Variants in GLCCI1 observed in about 807,000 individuals in gnomAD.
The protein encoded by GLCCI1 is glucocorticoid induced 1, also known as glucocorticoid-induced transcript 1 protein.
In GLCCI1, 24 loss-of-function variants were observed where a neutral mutation model predicts 52.2. The observed-to-expected ratio is 0.46, with a 90% CI of 0.33 to 0.65. The LOEUF is 0.65. Ranked by LOEUF, GLCCI1 falls within the 30% of genes least tolerant of loss-of-function variation. The probability of loss-of-function intolerance (pLI) is 0.02; values close to 1 mark genes in which losing one functional copy is unlikely to be tolerated. For missense variants in GLCCI1, 704 were observed against 701.5 expected, an observed-to-expected ratio of 1.00 and a Z score of -0.04; for synonymous variants, 310 against 276.5, an observed-to-expected ratio of 1.12 and a Z score of -1.20.
At chr7:7,988,320 G>A (rs944548914) in intron 1 of GLCCI1, among the ~76,000 whole-genome samples, 47 of 152,132 alleles carry the variant, frequency 3.1e-4, no homozygotes, top group African/African-American at 9.7e-4. Context: ...ACTATCAGGT[G>A]TATTGTTATT....
Position 8,086,602 on chromosome 7 carries a change from A to C in GLCCI1, c.*64A>C, listed in dbSNP as rs1009962256. On this transcript the variant is annotated 3_prime_UTR_variant, in exon 8 of 8. Coordinates refer to ENST00000223145, the MANE Select transcript of GLCCI1 (RefSeq NM_138426.4). This position sits in a 1 kb window ranked among gnomAD's most constrained non-coding sequence, Gnocchi z 4.4. ...TCGGAACAAGATTTCAGACATCTGC[A>C]TGAGTGACAAACTTTCTGAACACCA... 7.7e-7 allele frequency: 1 copy of C among 1,301,366 alleles called. No individual in the cohort carries two copies. Among genetic ancestry groups the C allele is most frequent in the Non-Finnish European group, 1.1e-6 (1 of 939,344 alleles). The allele number at this position is 1,301,366 out of a possible 1,614,324, so 80.6% of individuals were successfully genotyped here. A position where few individuals can be genotyped will look rare whatever the true frequency, so the allele number is the denominator to read the frequency against.
chr7:8,032,209 T>G (rs1382060314), intron 3 of GLCCI1, among the ~76,000 whole-genome samples: 1 of 152,050 alleles, frequency 6.6e-6, no homozygotes, highest in Non-Finnish European at 1.5e-5. Flanking sequence ...TTTAATATTT[T>G]CAATTGAGTG....
At chr7:7,986,974 G>T (rs563130176) in intron 1 of GLCCI1, among the ~76,000 whole-genome samples, 10 of 152,050 alleles carry the variant, frequency 6.6e-5, no homozygotes, top group East Asian at 1.9e-4. Context: ...ATTACTTCTT[G>T]CTTGGACTTT....
rs187303489 is a variant in GLCCI1, at chr7:7,982,217, A to T, written c.457+12410A>T. ...AAGAAAAATCCAAAGATAAAGAAAA[A>T]TCTAAGTACAGATGAAAGATGAAGA... is the stretch of plus-strand genomic sequence containing the variant. On this transcript the variant is annotated intron_variant, in intron 1 of 7. Transcript: ENST00000223145. 89 of 251,796 alleles carry T rather than the reference A, an allele frequency of 3.5e-4. No homozygotes were observed. The Middle Eastern group carries it at 4.6e-3, about 13-fold the overall frequency. 15.6% of individuals were successfully genotyped at this position (251,796 alleles called of 1,614,324 possible). A position where few individuals can be genotyped will look rare whatever the true frequency, so the allele number is the denominator to read the frequency against.
At chr7:8,012,526 G>A (rs1448091761) in intron 2 of GLCCI1, among the ~76,000 whole-genome samples, 1 of 129,700 alleles carries the variant, frequency 7.7e-6, no homozygotes. Flanking sequence ...CTCACTGCAA[G>A]CTCCACCTCC....
chr7:8,004,245 T>G (rs1781103605), intron 2 of GLCCI1, 186 bp downstream of exon 2: 1 of 550,096 alleles, frequency 1.8e-6, no homozygotes, highest in Non-Finnish European at 3.1e-6. Context: ...CTTTTAGAAG[T>G]TTTGAAATTC....
chr7:8,014,765 T>A (rs536972973), intron 2 of GLCCI1, among the ~76,000 whole-genome samples: 1 of 152,342 alleles, frequency 6.6e-6, no homozygotes, highest in South Asian at 2.1e-4. Flanking sequence ...TCTTGGTTGA[T>A]ATCAGGGAGA....
intron 3 of GLCCI1, among the ~76,000 whole-genome samples, chr7:8,023,904 C>G (rs1562432244): frequency 6.6e-6 from 1 of 151,960 alleles, no homozygotes; most frequent in East Asian, 1.9e-4. Context: ...AGGCCATGAT[C>G]ATTCTTAGTG....
intron 3 of GLCCI1, among the ~76,000 whole-genome samples, chr7:8,050,458 T>A (rs1562442306): frequency 6.6e-6 from 1 of 152,326 alleles, no homozygotes; most frequent in East Asian, 1.9e-4. Context: ...ATATAAAATT[T>A]ACTTTTAACT....
At chr7:8,044,873 T>C (rs1782087030) in intron 3 of GLCCI1, among the ~76,000 whole-genome samples, 1 of 152,002 alleles carries the variant, frequency 6.6e-6, no homozygotes, top group African/African-American at 2.4e-5. Flanking sequence ...CAACAGACCA[T>C]AGAAATAGAA....
intron 1 of GLCCI1, among the ~76,000 whole-genome samples, chr7:7,992,055 CTTTCTTT>C (rs1414825189): frequency 7.8e-6 from 1 of 128,126 alleles, no homozygotes; most frequent in African/African-American, 2.9e-5. Context: ...TTCTTTCTTT[CTTTCTTT>C]CTTTCTTTCT....
At chr7:7,994,001 C>A (rs184797442) in intron 1 of GLCCI1, among the ~76,000 whole-genome samples, 8 of 152,254 alleles carry the variant, frequency 5.3e-5, no homozygotes, top group Non-Finnish European at 1.0e-4. Flanking sequence ...GTCCTTGAAT[C>A]TTTTGTTTGG....
intron 5 of GLCCI1, among the ~76,000 whole-genome samples, chr7:8,067,641 G>C (rs773554239): frequency 6.6e-6 from 1 of 152,116 alleles, no homozygotes; most frequent in Non-Finnish European, 1.5e-5. Flanking sequence ...AGCTTAGTTT[G>C]ACTAGATAGC....
At chr7:7,991,520 T>C (rs908020328) in intron 1 of GLCCI1, among the ~76,000 whole-genome samples, 7 of 152,116 alleles carry the variant, frequency 4.6e-5, no homozygotes, top group Non-Finnish European at 1.0e-4. Flanking sequence ...GATTCCATAA[T>C]ATTAATAGCC....
At chr7:7,988,925 A>G (rs2115414372) in intron 1 of GLCCI1, among the ~76,000 whole-genome samples, 1 of 152,222 alleles carries the variant, frequency 6.6e-6, no homozygotes, top group Non-Finnish European at 1.5e-5. Flanking sequence ...GATAAAGAAC[A>G]CTTTCATCCT....
chr7:7,969,374 C>G lies in GLCCI1; in HGVS notation c.24C>G (p.Ser8=). 1 of 1,489,516 alleles carries G rather than the reference C, an allele frequency of 6.7e-7. No homozygotes were observed. Among genetic ancestry groups the G allele is most frequent in the Non-Finnish European group, 8.9e-7 (1 of 1,121,794 alleles). The allele number at this position is 1,489,516 out of a possible 1,614,324, so 92.3% of individuals were successfully genotyped here. ...CCATGTCCACTGCCTCCTCCTCCTC[C>G]TCCTCCAGTTCCTCTCAGACCCCTC... MSTASSS[S]SSSSSQTPHP... is the part of the protein sequence containing the mutation. The change falls in exon 1 of 8, where the codon TCC becomes TCG. Residue 8 remains serine, a synonymous_variant. Coordinates refer to ENST00000223145, the MANE Select transcript of GLCCI1 (RefSeq NM_138426.4). This position sits in a 1 kb window ranked among gnomAD's most constrained non-coding sequence, Gnocchi z 4.9.
intron 5 of GLCCI1, among the ~76,000 whole-genome samples, chr7:8,068,080 G>A (rs1279583321): frequency 1.3e-5 from 2 of 152,060 alleles, no homozygotes; most frequent in African/African-American, 4.8e-5. Context: ...GGCTAGGCAC[G>A]GTGGCTCATG....
intron 3 of GLCCI1, among the ~76,000 whole-genome samples, chr7:8,054,386 C>T (rs1191331871): frequency 2.0e-5 from 3 of 152,052 alleles, no homozygotes; most frequent in African/African-American, 7.2e-5. Context: ...CTACATAGAG[C>T]TTTAAAAAAC....
At chr7:8,070,865 T>G (rs1226998686) in intron 5 of GLCCI1, 56 bp from the exon 6 acceptor site, 4 of 1,450,972 alleles carry the variant, frequency 2.8e-6, no homozygotes, top group Non-Finnish European at 3.9e-6. Flanking sequence ...ATGTGCTTTC[T>G]ATGTAGATGA....
Sources: gnomAD v4.1 joint callset for allele counts (sites outside exome capture counted in the v4.1 genomes callset) on GRCh38, gnomAD v4.1.1 for gene constraint, Gnocchi (gnomAD v3.1) non-coding constraint, MANE v1.5 for transcripts, NCBI Gene and HGNC (gene_info 2026-07-23, HGNC 2026-07-21) for gene names.